Variants in CSMD1 observed in about 807,000 individuals in gnomAD.
CSMD1 encodes the protein CUB and sushi domain-containing protein 1.
In CSMD1, 213 loss-of-function variants were observed where a neutral mutation model predicts 417.5. The observed-to-expected ratio is 0.51, with a 90% CI of 0.46 to 0.57. The LOEUF (loss-of-function observed/expected upper bound fraction) is 0.57, where lower values mean the gene tolerates loss of function less well. Ranked by LOEUF, CSMD1 falls within the 20% of genes least tolerant of loss-of-function variation. The pLI is 0.00. For missense variants in CSMD1, 6,923 were observed against 4,529.7 expected (o/e 1.53, Z -15.17); for synonymous variants, 2,862 against 1,736.8 (o/e 1.65, Z -16.11).
intron 1 of CSMD1, among the ~76,000 whole-genome samples, chr8:4,814,219 CGTGTGCGT>C (rs1799072396): frequency 7.3e-6 from 1 of 137,666 alleles, no homozygotes; most frequent in Non-Finnish European, 1.6e-5. Flanking sequence ...TGTGTGTGTG[CGTGTGCGT>C]GTGCGCATGT....
At chr8:4,242,209 A>AT (rs993101395) in intron 3 of CSMD1, among the ~76,000 whole-genome samples, 24 of 152,290 alleles carry the variant, frequency 1.6e-4, no homozygotes, top group Middle Eastern at 6.8e-3. Flanking sequence ...AAGAATTGTG[A>AT]TTTTTGATGG....
intron 3 of CSMD1, among the ~76,000 whole-genome samples, chr8:4,325,696 G>A (rs886303112): frequency 1.3e-5 from 2 of 152,048 alleles, no homozygotes; most frequent in Non-Finnish European, 2.9e-5. Context: ...CGAGATGCAG[G>A]ATAAAACTCA....
Position 3,782,770 on chromosome 8 carries a change from A to T in CSMD1, c.819-28728T>A, listed in dbSNP as rs534163821. Among the ~76,000 whole-genome samples, 5 of 152,328 alleles carry T rather than the reference A, an allele frequency of 3.3e-5. No homozygotes were observed. The South Asian group carries it at 1.0e-3, about 32-fold the overall frequency. ...TAAGAACAGTATGAATAGAGATCTA[A>T]ATAAACTTTAGGAATTAAAGATAAC... is the stretch of plus-strand genomic sequence containing the variant. On this transcript the variant is annotated intron_variant, in intron 5 of 69. Coordinates refer to ENST00000635120, the MANE Select transcript of CSMD1 (RefSeq NM_033225.6).
At chr8:3,733,725 G>A (rs939103915) in intron 6 of CSMD1, among the ~76,000 whole-genome samples, 1 of 152,064 alleles carries the variant, frequency 6.6e-6, no homozygotes, top group African/African-American at 2.4e-5. Flanking sequence ...ACGCCCATGG[G>A]GTTGTGGTGT....
intron 1 of CSMD1, among the ~76,000 whole-genome samples, chr8:4,891,278 A>C (rs1006383140): frequency 6.6e-6 from 1 of 152,152 alleles, no homozygotes; most frequent in South Asian, 2.1e-4. Context: ...AGGTAAAACA[A>C]GAATACTCTT....
chr8:4,561,818 T>C (rs1323831958), intron 2 of CSMD1, among the ~76,000 whole-genome samples: 2 of 152,222 alleles, frequency 1.3e-5, no homozygotes, highest in Non-Finnish European at 2.9e-5. Flanking sequence ...AACATACCTG[T>C]TGACTGCTGA....
intron 2 of CSMD1, among the ~76,000 whole-genome samples, chr8:4,431,670 A>G (rs1797879342): frequency 6.6e-6 from 1 of 152,212 alleles, no homozygotes; most frequent in African/African-American, 2.4e-5. Context: ...AAGAAAAGAT[A>G]GAGGAATGAA....
chr8:4,235,824 C>G (rs1003318604), intron 3 of CSMD1, among the ~76,000 whole-genome samples: 2 of 152,214 alleles, frequency 1.3e-5, no homozygotes, highest in East Asian at 1.9e-4. Flanking sequence ...CTTGAGAACA[C>G]TCAGAGGAGA....
intron 23 of CSMD1, among the ~76,000 whole-genome samples, chr8:3,322,784 C>G (rs1288232748): frequency 1.3e-5 from 2 of 152,188 alleles, no homozygotes; most frequent in African/African-American, 4.8e-5. Context: ...TCAAACATCA[C>G]CAAGGAGGCA....
intron 4 of CSMD1, among the ~76,000 whole-genome samples, chr8:3,999,976 T>C (rs1815537614): frequency 6.6e-6 from 1 of 152,246 alleles, no homozygotes; most frequent in South Asian, 2.1e-4. Flanking sequence ...ATAAAAATTA[T>C]GCTACCACGG....
chr8:3,885,391 A>G (rs1357488), intron 5 of CSMD1, among the ~76,000 whole-genome samples: 7,613 of 152,228 alleles, frequency 0.05, 634 homozygotes, highest in African/African-American at 0.17. Flanking sequence ...GAAGCTGCCA[A>G]TGGAGTAGTT....
At chr8:4,775,245 G>C (rs567204401) in intron 1 of CSMD1, among the ~76,000 whole-genome samples, 21 of 152,186 alleles carry the variant, frequency 1.4e-4, no homozygotes, top group African/African-American at 5.1e-4. Flanking sequence ...AATAGAGCTT[G>C]AGGATGAATC....
chr8:4,870,414 C>A (rs1310469615), intron 1 of CSMD1, among the ~76,000 whole-genome samples: 1 of 152,112 alleles, frequency 6.6e-6, no homozygotes, highest in Admixed American at 6.5e-5. Context: ...CCTCAATTTT[C>A]TTAAAGGATG....
chr8:4,221,022 G>C (rs1376486171), intron 3 of CSMD1, among the ~76,000 whole-genome samples: 1 of 152,132 alleles, frequency 6.6e-6, no homozygotes, highest in East Asian at 1.9e-4. Context: ...GCAGGAGGAG[G>C]CCAGTGATTG....
At chr8:3,232,562 C>G (rs1397412184) in intron 26 of CSMD1, among the ~76,000 whole-genome samples, 2 of 152,180 alleles carry the variant, frequency 1.3e-5, no homozygotes. Flanking sequence ...GTACATGCTG[C>G]TGGTACACAT....
intron 2 of CSMD1, among the ~76,000 whole-genome samples, chr8:4,631,385 G>T (rs999344585): frequency 8.0e-5 from 12 of 149,760 alleles, no homozygotes; most frequent in African/African-American, 3.0e-4. Flanking sequence ...AAAATAAAAT[G>T]ATACCTTGGT....
chr8:4,422,820 T>C (rs543810886), intron 2 of CSMD1, among the ~76,000 whole-genome samples: 31 of 152,190 alleles, frequency 2.0e-4, no homozygotes, highest in African/African-American at 7.5e-4. Context: ...AAGATACGAA[T>C]TATACACGAT....
At chr8:4,697,460 A>G (rs919725142) in intron 1 of CSMD1, among the ~76,000 whole-genome samples, 1 of 152,116 alleles carries the variant, frequency 6.6e-6, no homozygotes, top group Non-Finnish European at 1.5e-5. Context: ...TCAATACGTA[A>G]AAAATTTGGC....
chr8:4,213,801 C>G (rs951464997), intron 3 of CSMD1, among the ~76,000 whole-genome samples: 33 of 152,120 alleles, frequency 2.2e-4, no homozygotes, highest in Admixed American at 2.0e-4. Context: ...CGCAAACTAA[C>G]TTGCATTGAG....
Sources: gnomAD v4.1 joint callset for allele counts (sites outside exome capture counted in the v4.1 genomes callset) on GRCh38, gnomAD v4.1.1 for gene constraint, MANE v1.5 for transcripts, NCBI Gene and HGNC (gene_info 2026-07-23, HGNC 2026-07-21) for gene names.